The following STYXL2 variants were observed in gnomAD, a reference collection of about 807,000 sequenced individuals.
STYXL2 encodes the protein serine/threonine/tyrosine-interacting-like protein 2.
STYXL2 carries 44 observed loss-of-function variants against 52.4 expected under a neutral mutation model. The observed-to-expected ratio is 0.84, with a 90% CI of 0.66 to 1.08. The LOEUF (loss-of-function observed/expected upper bound fraction) is 1.08, where lower values mean the gene tolerates loss of function less well. Among genes scored for constraint, STYXL2 ranks in the 50% least tolerant of loss-of-function variants. The pLI, the probability that STYXL2 is intolerant of heterozygous loss-of-function variation, is 0.00. For missense variants in STYXL2, 1,604 were observed against 1,471.7 expected, an observed-to-expected ratio of 1.09 and a Z score of -1.47; for synonymous variants, 604 against 586.9, an observed-to-expected ratio of 1.03 and a Z score of -0.42.
chr1:167,113,185 T>A (rs1269215722), intron 2 of STYXL2, among the ~76,000 whole-genome samples: 1 of 152,190 alleles, frequency 6.6e-6, no homozygotes, highest in Non-Finnish European at 1.5e-5. Flanking sequence ...ATCTTTAGCA[T>A]TGCACTTGGT....
intron 5 of STYXL2, among the ~76,000 whole-genome samples, chr1:167,120,730 C>G (rs540414843): frequency 4.6e-5 from 7 of 151,640 alleles, no homozygotes; most frequent in Non-Finnish European, 7.4e-5. Flanking sequence ...GATCCTCCCA[C>G]CTCGGCCTCC....
chr1:167,110,212 GAATC>G (rs1667588521), intron 2 of STYXL2, among the ~76,000 whole-genome samples: 2 of 152,116 alleles, frequency 1.3e-5, no homozygotes, highest in Admixed American at 1.3e-4. Flanking sequence ...TGAGACAAAA[GAATC>G]TGAACAGTAG....
Position 167,123,565 on chromosome 1 carries a change from C to T in STYXL2, c.656-2222C>T, listed in dbSNP as rs1047376546. On this transcript the variant is annotated intron_variant, in intron 5 of 5. Coordinates refer to ENST00000361200, the MANE Select transcript of STYXL2 (RefSeq NM_001080426.3). ...GGGACAGCTAAGCCCTGACTGAGGA[C>T]GAGAGGAGAAAAAAGACAAGTGCTT... Among the ~76,000 whole-genome samples, 10 of 152,156 alleles carry T rather than the reference C, an allele frequency of 6.6e-5. No individual in the cohort carries two copies. In the East Asian group the frequency reaches 1.9e-3, roughly 29 times the overall value.
chr1:167,094,962 A>G lies in STYXL2; in HGVS notation c.110+3A>G. 6.3e-7 allele frequency: 1 copy of G among 1,595,180 alleles called. No individual in the cohort carries two copies. The highest frequency in any genetic ancestry group is 8.5e-7 in the Non-Finnish European group (1 of 1,170,140). Reference sequence around the variant, plus strand: ...CTCCGAAGCCCCTCCCCTAGCCAGTAAGTGACCACTTATCTCCCACCCTCA... The same window carrying G: ...CTCCGAAGCCCCTCCCCTAGCCAGTGAGTGACCACTTATCTCCCACCCTCA... On this transcript the variant is annotated splice_donor_region_variant and intron_variant, in intron 2 of 5. Coordinates refer to ENST00000361200, the MANE Select transcript of STYXL2 (RefSeq NM_001080426.3).
intron 2 of STYXL2, among the ~76,000 whole-genome samples, chr1:167,104,609 T>G (rs1667473822): frequency 6.6e-6 from 1 of 152,182 alleles, no homozygotes; most frequent in Non-Finnish European, 1.5e-5. Flanking sequence ...TGGTGAAAAT[T>G]TCTCCACCTC....
rs779660316 is a variant in STYXL2, at chr1:167,104,801, C to A, written c.111-8909C>A. The stretch of plus-strand genomic sequence containing the variant: ...TGCAAAAGCCCAATCAAGAAAGACA[C>A]CTCCTCCTGGGCCTCTACCTCCATT... On this transcript the variant is annotated intron_variant, in intron 2 of 5. Transcript: ENST00000361200. 5.9e-5 allele frequency among the ~76,000 whole-genome samples: 9 copies of A among 152,310 alleles called. No individual in the cohort carries two copies. In the East Asian group the frequency reaches 1.4e-3, roughly 23 times the overall value.
chr1:167,113,760 T>C lies in STYXL2; in HGVS notation c.161T>C (p.Ile54Thr). The C allele has an allele frequency of 6.2e-7, 1 of 1,614,120 alleles. No individual in the cohort carries two copies. The highest frequency in any genetic ancestry group is 8.5e-7 in the Non-Finnish European group (1 of 1,179,978). Residue 54 changes from isoleucine (I) to threonine (T), a missense_variant, in exon 3 of 6, where the codon ATT (isoleucine) becomes ACT (threonine). Transcript: ENST00000361200. The stretch of plus-strand genomic sequence containing the variant: ...ACAGAAAGCATTTTCATGGAACCCA[T>C]TCACCTCTCCTCAGCCATTGCAGCC... Reference protein sequence around the residue: ...AETESIFMEPIHLSSAIAAKQ... With the variant: ...AETESIFMEPTHLSSAIAAKQ...
chr1:167,121,390 G>C (rs1667854175), intron 5 of STYXL2, among the ~76,000 whole-genome samples: 2 of 152,230 alleles, frequency 1.3e-5, no homozygotes, highest in Admixed American at 1.3e-4. Flanking sequence ...GCGGCGTAAG[G>C]AGTGTGTCCC....
At chr1:167,125,284 G>A (rs539790149) in intron 5 of STYXL2, among the ~76,000 whole-genome samples, 2 of 152,284 alleles carry the variant, frequency 1.3e-5, no homozygotes, top group South Asian at 4.1e-4. Context: ...TTGTGTCTAT[G>A]TGTCCATGTG....
chr1:167,110,415 A>G (rs1667593965), intron 2 of STYXL2, among the ~76,000 whole-genome samples: 1 of 152,244 alleles, frequency 6.6e-6, no homozygotes, highest in Admixed American at 6.5e-5. Flanking sequence ...AAGATCAATT[A>G]TTAAGCAACT....
rs547404786 is a variant in STYXL2, at chr1:167,106,316, T to C, written c.111-7394T>C. Among the ~76,000 whole-genome samples the C allele has an allele frequency of 4.6e-5, 7 of 152,304 alleles. No homozygotes were observed. In the South Asian group the frequency reaches 1.5e-3, roughly 32 times the overall value. ...GCGCCTCCTGTGTCTATTTTCAGTC[T>C]GTATCAGTTGCTTGGAATACTGATT... is the stretch of plus-strand genomic sequence containing the variant. On this transcript the variant is annotated intron_variant, in intron 2 of 5. Coordinates refer to ENST00000361200, the MANE Select transcript of STYXL2 (RefSeq NM_001080426.3).
In STYXL2 at chr1:167,117,579, A is replaced by G. The variant is rs1667755758; in HGVS notation, c.437+20A>G. Reference sequence around the variant, plus strand: ...TGAGAAGTGAGTCTGACTGCTCTTCATGACCCTTTGTCCTAACCCTCTGGT... The same window carrying G: ...TGAGAAGTGAGTCTGACTGCTCTTCGTGACCCTTTGTCCTAACCCTCTGGT... On this transcript the variant is annotated intron_variant, in intron 4 of 5. Transcript: ENST00000361200. 2 of 1,565,838 alleles carry G rather than the reference A, an allele frequency of 1.3e-6. No individual in the cohort carries two copies. The highest frequency in any genetic ancestry group is 1.7e-6 in the Non-Finnish European group (2 of 1,152,786).
intron 2 of STYXL2, 83 bp from the exon 3 acceptor site, chr1:167,113,627 T>A: frequency 9.0e-7 from 1 of 1,108,856 alleles, no homozygotes; most frequent in South Asian, 1.3e-5. Context: ...GTTGCTAAAA[T>A]CAAAGCCAGG....
intron 2 of STYXL2, among the ~76,000 whole-genome samples, chr1:167,107,652 A>C (rs1667531927): frequency 6.6e-6 from 1 of 152,244 alleles, no homozygotes; most frequent in African/African-American, 2.4e-5. Context: ...TCAGTCAGTG[A>C]GTCAGAAATT....
At chr1:167,110,214 A>G (rs2102231836) in intron 2 of STYXL2, among the ~76,000 whole-genome samples, 1 of 152,334 alleles carries the variant, frequency 6.6e-6, no homozygotes, top group East Asian at 1.9e-4. Context: ...AGACAAAAGA[A>G]TCTGAACAGT....
chr1:167,108,136 G>A (rs1667542888), intron 2 of STYXL2, among the ~76,000 whole-genome samples: 1 of 152,108 alleles, frequency 6.6e-6, no homozygotes, highest in Admixed American at 6.6e-5. Context: ...GTTGTATGTG[G>A]ACACCTGGCC....
At position 167,126,352 on chromosome 1, in the gene STYXL2, G is replaced by A; in HGVS notation, c.1221G>A (p.Gly407=). ...GAAACGAGAGGTACCAAGCAGAAGG[G>A]TACCGGAGGTGGGGAAGGGAGGAGG... ...QSRNERYQAE[G]YRRWGREEEK... is the part of the protein sequence containing the mutation. Residue 407 remains glycine (G), a synonymous_variant, in exon 6 of 6, where the codon GGG becomes GGA. Coordinates refer to ENST00000361200, the MANE Select transcript of STYXL2 (RefSeq NM_001080426.3). 6.5e-7 allele frequency: 1 copy of A among 1,540,680 alleles called. No homozygotes were observed. Among genetic ancestry groups the A allele is most frequent in the Non-Finnish European group, 8.8e-7 (1 of 1,141,868 alleles).
intron 3 of STYXL2, 59 bp downstream of exon 3, chr1:167,113,863 A>C: frequency 4.4e-6 from 6 of 1,351,936 alleles, no homozygotes; most frequent in Non-Finnish European, 6.4e-6. Flanking sequence ...AGACCCTTAG[A>C]GGGGGGCCAT....
In STYXL2 at chr1:167,126,769, A is replaced by T; in HGVS notation, c.1638A>T (p.Arg546Ser). Residue 546 changes from arginine (R) to serine (S), a missense_variant, in exon 6 of 6, where the codon AGA becomes AGT. Coordinates refer to ENST00000361200, the MANE Select transcript of STYXL2 (RefSeq NM_001080426.3). ...RNKDKLTALE[R>S]WKIKRIQFGF... ...AGGACAAGCTCACTGCCCTGGAAAG[A>T]TGGAAGATCAAGAGAATCCAATTTG... 1 of 1,614,212 alleles carries T rather than the reference A, an allele frequency of 6.2e-7. No homozygotes were observed. Among genetic ancestry groups the T allele is most frequent in the Non-Finnish European group, 8.5e-7 (1 of 1,180,036 alleles).
Sources: gnomAD v4.1 joint callset for allele counts (sites outside exome capture counted in the v4.1 genomes callset) on GRCh38, gnomAD v4.1.1 for gene constraint, MANE v1.5 for transcripts, NCBI Gene and HGNC (gene_info 2026-07-23, HGNC 2026-07-21) for gene names.